IMPG2: variants seen among roughly 807,000 people sequenced by gnomAD.
IMPG2 encodes interphotoreceptor matrix proteoglycan 2.
IMPG2 carries 91 observed loss-of-function variants against 129.2 expected under a neutral mutation model. That is an observed-to-expected ratio of 0.70 (90% CI 0.59 to 0.84). IMPG2 has a LOEUF of 0.84. Ranked by LOEUF, IMPG2 falls within the 40% of genes least tolerant of loss-of-function variation. The probability of loss-of-function intolerance (pLI) is 0.00; values close to 1 mark genes in which losing one functional copy is unlikely to be tolerated. For missense variants in IMPG2, 1,430 were observed against 1,461.7 expected (o/e 0.98, Z 0.35); for synonymous variants, 510 against 517.7 (o/e 0.99, Z 0.20).
rs1190463502 is a variant in IMPG2 at position 101,275,644 on chromosome 3, A to T, written c.666+19T>A. 1 of 1,570,048 alleles carries T rather than the reference A, an allele frequency of 6.4e-7. No homozygotes were observed. Among genetic ancestry groups the T allele is most frequent in the Non-Finnish European group, 8.8e-7 (1 of 1,139,566 alleles). On this transcript the variant is annotated intron_variant, in intron 6 of 18. Transcript: ENST00000193391. ...TGTTCCATGTTAGAAACTAACTAAC[A>T]AAACAGAGCATCACTCACACTCTCC...
Position 101,244,393 on chromosome 3 carries a change from G to A in IMPG2, c.1938C>T (p.Asp646=). 3.7e-6 allele frequency: 6 copies of A among 1,614,092 alleles called. No homozygotes were observed. The highest frequency in any genetic ancestry group is 5.1e-6 in the Non-Finnish European group (6 of 1,180,006). ...TTTTGTCAACTAAAACTAGTTTCTT[G>A]TCTTCAATCTCAGCTGGCAAAAGTG... ...DDSLLPAEIE[D]KKLVLVDKMD... The change falls in exon 13 of 19, where the codon GAC becomes GAT. Residue 646 remains aspartate, a synonymous_variant. Coordinates refer to ENST00000193391, the MANE Select transcript of IMPG2 (RefSeq NM_016247.4).
chr3:101,279,968 A>G (rs1309122172), intron 4 of IMPG2, among the ~76,000 whole-genome samples: 1 of 152,236 alleles, frequency 6.6e-6, no homozygotes, highest in Non-Finnish European at 1.5e-5. Flanking sequence ...TTCCCCCTGC[A>G]GAGATCCTTT....
chr3:101,253,458 T>C (rs969753544), intron 11 of IMPG2, among the ~76,000 whole-genome samples: 1 of 152,164 alleles, frequency 6.6e-6, no homozygotes, highest in Non-Finnish European at 1.5e-5. Context: ...ATAAGGTTTC[T>C]ACCCTGTGTG....
chr3:101,234,238 C>T (rs1706321717), intron 14 of IMPG2, among the ~76,000 whole-genome samples: 1 of 150,754 alleles, frequency 6.6e-6, no homozygotes, highest in Admixed American at 6.7e-5. Context: ...AATTTGGACA[C>T]AGACAGAAAC....
At chr3:101,252,579 C>A (rs1706555766) in intron 11 of IMPG2, among the ~76,000 whole-genome samples, 1 of 152,118 alleles carries the variant, frequency 6.6e-6, no homozygotes, top group African/African-American at 2.4e-5. Flanking sequence ...GCACTTGGCA[C>A]ATGGAAAGCA....
chr3:101,283,895 TA>T (rs55970800), intron 4 of IMPG2, among the ~76,000 whole-genome samples: 81,700 of 151,832 alleles, frequency 0.54, 22,915 homozygotes, highest in Non-Finnish European at 0.62. Context: ...ATAAGAAAAA[TA>T]AAAAATAACT....
chr3:101,228,079 C>T (rs1018773588), intron 18 of IMPG2, among the ~76,000 whole-genome samples: 4 of 152,306 alleles, frequency 2.6e-5, no homozygotes, highest in South Asian at 4.1e-4. Context: ...AAACTGTAAT[C>T]CTACCCAATA....
At chr3:101,281,988 T>C (rs1706897794) in intron 4 of IMPG2, among the ~76,000 whole-genome samples, 1 of 152,162 alleles carries the variant, frequency 6.6e-6, no homozygotes, top group Non-Finnish European at 1.5e-5. Context: ...TAAGATAATC[T>C]ATGTTGTTTT....
At position 101,243,652 on chromosome 3, in the gene IMPG2, G is replaced by T. The variant is rs1247198554; in HGVS notation, c.2679C>A (p.Thr893=). 1.2e-6 allele frequency: 2 copies of T among 1,613,806 alleles called. No homozygotes were observed. The highest frequency in any genetic ancestry group is 2.7e-5 in the African/African-American group (2 of 74,888). The part of the protein sequence containing the change: ...PTEGGDDLSY[T]QTSGALVVFF... Reference sequence around the variant, plus strand: ...AAACCACCAAAGCTCCTGAAGTCTGGGTATAACTCAAGTCATCTCCTCCTT... The same window carrying T: ...AAACCACCAAAGCTCCTGAAGTCTGTGTATAACTCAAGTCATCTCCTCCTT... Residue 893 remains threonine, a synonymous_variant, in exon 13 of 19, where the codon ACC becomes ACA. Transcript: ENST00000193391.
Position 101,238,816 on chromosome 3 carries a change from G to A in IMPG2, c.3022+3872C>T, listed in dbSNP as rs139542974. ...CTATAAAGAAACTGCATCTACTAAC[G>A]GGCAAAATAACCAGCTAGCATCATA... is the stretch of plus-strand genomic sequence containing the variant. On this transcript the variant is annotated intron_variant, in intron 14 of 18. Transcript: ENST00000193391. Among the ~76,000 whole-genome samples, 1,314 of 152,144 alleles carry A rather than the reference G, an allele frequency of 8.6e-3. 25 individuals carry two copies. The highest frequency in any genetic ancestry group is 0.03 in the African/African-American group (1,225 of 41,488).
At chr3:101,291,627 C>G in intron 3 of IMPG2, 117 bp from the exon 4 acceptor site, 1 of 755,652 alleles carries the variant, frequency 1.3e-6, no homozygotes, top group East Asian at 2.7e-5. Flanking sequence ...TGTTAGTACT[C>G]TCTATGGTTA....
At chr3:101,256,201 G>GAAAGAA (rs1706604701) in intron 10 of IMPG2, among the ~76,000 whole-genome samples, 1 of 148,182 alleles carries the variant, frequency 6.7e-6, no homozygotes, top group Non-Finnish European at 1.5e-5. Flanking sequence ...AAGAAAGAAA[G>GAAAGAA]AAAGAAAGAA....
chr3:101,232,316 C>A (rs1172732405), intron 15 of IMPG2, among the ~76,000 whole-genome samples: 2 of 151,940 alleles, frequency 1.3e-5, no homozygotes, highest in African/African-American at 4.8e-5. Context: ...CAGCTCACTG[C>A]AACCTCTGCC....
chr3:101,301,131 T>C (rs1707136011), intron 3 of IMPG2, among the ~76,000 whole-genome samples: 1 of 152,184 alleles, frequency 6.6e-6, no homozygotes, highest in South Asian at 2.1e-4. Context: ...CAAACAACAT[T>C]TATCAATTAA....
In IMPG2 at chr3:101,243,753, C is replaced by T. The variant is rs779561749; in HGVS notation, c.2578G>A (p.Gly860Ser). The change falls in exon 13 of 19, where the codon GGC (glycine) becomes AGC (serine). Residue 860 changes from glycine (G) to serine (S), a missense_variant. Gly to Ser is a moderately conservative substitution (Grantham distance 56). Transcript: ENST00000193391. ...YQPEQVQEQNGKVGSYVEMST... is the reference protein window; with the variant it reads ...YQPEQVQEQNSKVGSYVEMST... ...ATTTCCACATAACTACCAACCTTGCCATTTTGCTCTTGGACTTGCTCAGGC... is the reference window on the plus strand; with the variant it reads ...ATTTCCACATAACTACCAACCTTGCTATTTTGCTCTTGGACTTGCTCAGGC... 3.1e-6 allele frequency: 5 copies of T among 1,613,654 alleles called. No homozygotes were observed. Among genetic ancestry groups the T allele is most frequent in the South Asian group, 1.1e-5 (1 of 91,060 alleles).
At chr3:101,263,951 A>G (rs963527330) in intron 9 of IMPG2, among the ~76,000 whole-genome samples, 1 of 151,848 alleles carries the variant, frequency 6.6e-6, no homozygotes, top group African/African-American at 2.4e-5. Context: ...GATAATTTAG[A>G]GACTACTATG....
chr3:101,246,719 T>C (rs1384197532), intron 11 of IMPG2, among the ~76,000 whole-genome samples: 1 of 152,188 alleles, frequency 6.6e-6, no homozygotes, highest in Non-Finnish European at 1.5e-5. Flanking sequence ...AATATTATCT[T>C]AAAATGTAGC....
intron 11 of IMPG2, among the ~76,000 whole-genome samples, chr3:101,249,855 T>C (rs1306283791): frequency 6.6e-6 from 1 of 151,744 alleles, no homozygotes. Context: ...TAGTAAACTT[T>C]AGGAGCACGC....
intron 7 of IMPG2, among the ~76,000 whole-genome samples, chr3:101,271,894 G>A (rs1706786485): frequency 6.6e-6 from 1 of 152,178 alleles, no homozygotes; most frequent in Non-Finnish European, 1.5e-5. Flanking sequence ...GTAAATTAGA[G>A]ATGCTTGAAT....
Sources: allele counts gnomAD v4.1 joint callset (sites outside exome capture counted in the v4.1 genomes callset), GRCh38; gene constraint gnomAD v4.1.1; transcripts MANE v1.5; gene names NCBI Gene and HGNC (gene_info 2026-07-23, HGNC 2026-07-21).